FAM184B: variants seen among roughly 807,000 people sequenced by gnomAD.
FAM184B encodes family with sequence similarity 184 member B.
FAM184B carries 111 observed loss-of-function variants against 135.9 expected under a neutral mutation model. The observed-to-expected ratio is 0.82, with a 90% CI of 0.70 to 0.96. The LOEUF is 0.96. FAM184B is among the 40% of genes least tolerant of loss of function. FAM184B has a pLI of 0.00. For synonymous variants in FAM184B, 552 were observed against 524.8 expected, an observed-to-expected ratio of 1.05 and a Z score of -0.71; for missense variants, 1,375 against 1,323.9, an observed-to-expected ratio of 1.04 and a Z score of -0.60.
chr4:17,778,539 A>G (rs1323327443), intron 1 of FAM184B, among the ~76,000 whole-genome samples: 2 of 152,252 alleles, frequency 1.3e-5, no homozygotes, highest in African/African-American at 4.8e-5. Context: ...ATTAACTTTT[A>G]ACTATAAAAA....
chr4:17,741,527 C>T (rs910084516), intron 1 of FAM184B, among the ~76,000 whole-genome samples: 1 of 151,944 alleles, frequency 6.6e-6, no homozygotes, highest in African/African-American at 2.4e-5. Flanking sequence ...AACCCCATCT[C>T]TACTAAAAAT....
At position 17,688,490 on chromosome 4, in the gene FAM184B, G is replaced by C. The variant is rs1716644118; in HGVS notation, c.1530C>G (p.Arg510=). ...LEEFIQQNKT[R]PTGAEESPQE... ...GGGGACTTTCCTCAGCTCCTGTGGG[G>C]CGTGTCTTATTTTGTTGGATAAATT... is the stretch of plus-strand genomic sequence containing the variant. The change falls in exon 7 of 18, where the codon CGC becomes CGG. Residue 510 remains arginine (R), a synonymous_variant. Transcript: ENST00000265018. 6.4e-7 allele frequency: 1 copy of C among 1,550,922 alleles called. No homozygotes were observed. The highest frequency in any genetic ancestry group is 8.7e-7 in the Non-Finnish European group (1 of 1,146,874).
chr4:17,716,451 T>G (rs1027082039), intron 1 of FAM184B, among the ~76,000 whole-genome samples: 5 of 151,990 alleles, frequency 3.3e-5, no homozygotes, highest in Non-Finnish European at 7.4e-5. Flanking sequence ...CAAGTGATCC[T>G]CCCACCTCAG....
intron 7 of FAM184B, among the ~76,000 whole-genome samples, chr4:17,685,741 G>C (rs1046804279): frequency 2.6e-5 from 4 of 151,944 alleles, no homozygotes; most frequent in Non-Finnish European, 4.4e-5. Context: ...CTGGCATCTC[G>C]TGGGTAAAGG....
At chr4:17,758,433 T>C (rs1718467647) in intron 1 of FAM184B, among the ~76,000 whole-genome samples, 1 of 152,230 alleles carries the variant, frequency 6.6e-6, no homozygotes, top group Non-Finnish European at 1.5e-5. Context: ...GCCAAGTAAC[T>C]AACTGACTGC....
chr4:17,725,602 G>T (rs1717621791), intron 1 of FAM184B, among the ~76,000 whole-genome samples: 1 of 152,160 alleles, frequency 6.6e-6, no homozygotes, highest in Admixed American at 6.5e-5. Flanking sequence ...GAAGTTGCCA[G>T]TGTGGGTTGG....
At chr4:17,736,669 G>A (rs12642968) in intron 1 of FAM184B, among the ~76,000 whole-genome samples, 15,462 of 152,168 alleles carry the variant, frequency 0.1, 1,020 homozygotes, top group East Asian at 0.24. Context: ...AGGAGATACA[G>A]GGTAAGTACC....
intron 1 of FAM184B, among the ~76,000 whole-genome samples, chr4:17,727,199 C>T (rs1027183835): frequency 5.3e-5 from 8 of 152,228 alleles, no homozygotes; most frequent in Middle Eastern, 3.4e-3. Flanking sequence ...AGACTCTGTC[C>T]CTACTCTCAC....
intron 1 of FAM184B, among the ~76,000 whole-genome samples, chr4:17,729,944 G>A (rs900311456): frequency 1.3e-5 from 2 of 152,204 alleles, no homozygotes; most frequent in African/African-American, 4.8e-5. Context: ...AGAGAAGAAG[G>A]CTTCAGACAA....
At chr4:17,637,322 C>T (rs1011610697) in intron 14 of FAM184B, among the ~76,000 whole-genome samples, 2 of 152,194 alleles carry the variant, frequency 1.3e-5, no homozygotes, top group African/African-American at 2.4e-5. Context: ...CCACCGCGCC[C>T]GGCCCCCACT....
intron 5 of FAM184B, 131 bp downstream of exon 5, chr4:17,704,869 A>C: frequency 1.3e-6 from 1 of 762,868 alleles, no homozygotes; most frequent in East Asian, 2.7e-5. Flanking sequence ...TATTCAGAGA[A>C]TAAGCTTACA....
In FAM184B at chr4:17,633,710, G is replaced by A; in HGVS notation, c.3068C>T (p.Thr1023Ile). 6.5e-7 allele frequency: 1 copy of A among 1,545,240 alleles called. No individual in the cohort carries two copies. The highest frequency in any genetic ancestry group is 8.7e-7 in the Non-Finnish European group (1 of 1,144,060). The change falls in exon 17 of 18, where the codon ACA becomes ATA. Residue 1023 changes from threonine to isoleucine, a missense_variant. By Grantham distance (89) the Thr-to-Ile change is moderately conservative. Coordinates refer to ENST00000265018, the MANE Select transcript of FAM184B (RefSeq NM_015688.2). ...CGRTYKPNQS[T>I]DAKTATRTPD... ...AAACCTTGTGGCAGTTTTTGCATCT[G>A]TAGACTGGTTGGGTTTGTAGGTCCG... is the stretch of plus-strand genomic sequence containing the variant.
At chr4:17,640,488 A>AAG (rs1157539406) in intron 13 of FAM184B, among the ~76,000 whole-genome samples, 2 of 151,434 alleles carry the variant, frequency 1.3e-5, no homozygotes, top group Non-Finnish European at 2.9e-5. Flanking sequence ...TCTCAAAAAA[A>AAG]AAAAAAAGAA....
At chr4:17,657,817 G>T (rs1307719417) in intron 10 of FAM184B, among the ~76,000 whole-genome samples, 1 of 151,688 alleles carries the variant, frequency 6.6e-6, no homozygotes, top group Admixed American at 6.6e-5. Context: ...CCACCACGCC[G>T]AGTTAATTTT....
intron 4 of FAM184B, 148 bp from the exon 5 acceptor site, chr4:17,705,354 T>C (rs1184411599): frequency 5.9e-6 from 4 of 680,270 alleles, no homozygotes; most frequent in Non-Finnish European, 9.8e-6. Context: ...CAAGACTATA[T>C]ATTTGATGTT....
chr4:17,728,109 C>A (rs1717683876), intron 1 of FAM184B, among the ~76,000 whole-genome samples: 1 of 151,954 alleles, frequency 6.6e-6, no homozygotes, highest in Admixed American at 6.6e-5. Flanking sequence ...GAGACCTTGT[C>A]TCTACAAAAT....
At position 17,639,305 on chromosome 4, in the gene FAM184B, C is replaced by T; in HGVS notation, c.2611G>A (p.Asp871Asn). The change falls in exon 14 of 18, where the codon GAT (aspartate) becomes AAT (asparagine). Residue 871 changes from aspartate (D) to asparagine (N), a missense_variant. Asp to Asn is a conservative substitution (Grantham distance 23). Transcript: ENST00000265018. ...AGCTGGGCCTGGGCACTACTGAAAT[C>T]TGCCACCATGGCCTGCATCTCCTTC... The part of the protein sequence containing the change: ...HRKEMQAMVA[D>N]FSSAQAQLQA... 1 of 1,551,786 alleles carries T rather than the reference C, an allele frequency of 6.4e-7. No homozygotes were observed.
intron 1 of FAM184B, among the ~76,000 whole-genome samples, chr4:17,773,620 C>T (rs569477703): frequency 1.3e-5 from 2 of 152,200 alleles, no homozygotes; most frequent in African/African-American, 4.8e-5. Flanking sequence ...TTTTGTTGCC[C>T]AGGCTGGAGT....
intron 5 of FAM184B, among the ~76,000 whole-genome samples, chr4:17,699,790 C>G (rs1006461877): frequency 6.6e-6 from 1 of 151,998 alleles, no homozygotes; most frequent in Non-Finnish European, 1.5e-5. Context: ...GGAAAATGAC[C>G]CTTTTTTCTC....
Sources: allele counts gnomAD v4.1 joint callset (sites outside exome capture counted in the v4.1 genomes callset), GRCh38; gene constraint gnomAD v4.1.1; transcripts MANE v1.5; gene names NCBI Gene and HGNC (gene_info 2026-07-23, HGNC 2026-07-21).